SPON1: variants seen among roughly 807,000 people sequenced by gnomAD.
SPON1 encodes spondin 1, also known as spondin-1.
A neutral mutation model predicts 111.7 loss-of-function variants in SPON1; 52 were observed. The observed-to-expected ratio is 0.47, with a 90% CI of 0.37 to 0.59. SPON1 has a LOEUF of 0.59. Ranked by LOEUF, SPON1 falls within the 20% of genes least tolerant of loss-of-function variation. SPON1 has a pLI of 0.00. For synonymous variants in SPON1, 410 were observed against 395.8 expected (o/e 1.04, Z -0.43); for missense variants, 957 against 1,068.5 (o/e 0.90, Z 1.46).
chr11:14,034,402 C>T (rs1401208111), intron 2 of SPON1, among the ~76,000 whole-genome samples: 2 of 152,054 alleles, frequency 1.3e-5, no homozygotes, highest in Admixed American at 6.5e-5. Flanking sequence ...AGTGTGGAGA[C>T]GTTTGGGATT....
intron 3 of SPON1, among the ~76,000 whole-genome samples, chr11:14,053,406 C>G (rs908034087): frequency 1.2e-4 from 18 of 152,104 alleles, no homozygotes; most frequent in Admixed American, 3.3e-4. Flanking sequence ...AATGTGTGAC[C>G]TTTTGTGTCT....
At chr11:14,185,793 G>A (rs545608438) in intron 6 of SPON1, among the ~76,000 whole-genome samples, 168 of 152,320 alleles carry the variant, frequency 1.1e-3, no homozygotes, top group South Asian at 1.0e-2. Context: ...GATGAGCAGC[G>A]CCCCTTCTCA....
intron 3 of SPON1, among the ~76,000 whole-genome samples, chr11:14,057,382 T>G (rs1215207072): frequency 6.6e-6 from 1 of 152,194 alleles, no homozygotes; most frequent in Non-Finnish European, 1.5e-5. Context: ...AGTCAAAGAC[T>G]GAGGAAGATT....
At chr11:14,029,516 A>G (rs1393703155) in intron 2 of SPON1, among the ~76,000 whole-genome samples, 1 of 152,160 alleles carries the variant, frequency 6.6e-6, no homozygotes, top group African/African-American at 2.4e-5. Flanking sequence ...GTGAAAAGGA[A>G]AAAGGAAAAG....
chr11:14,235,001 G>A (rs1448242984), intron 6 of SPON1, among the ~76,000 whole-genome samples: 1 of 152,194 alleles, frequency 6.6e-6, no homozygotes, highest in Non-Finnish European at 1.5e-5. Flanking sequence ...CAGCCCACCT[G>A]AGCCAGGTTC....
chr11:14,041,811 G>A (rs1554917324), intron 3 of SPON1, among the ~76,000 whole-genome samples, 157 bp downstream of exon 3: 1 of 151,924 alleles, frequency 6.6e-6, no homozygotes, highest in Non-Finnish European at 1.5e-5. Context: ...ACTATCATTG[G>A]TGAAGTGTTC....
rs192732447 is a variant in SPON1 at position 14,109,411 on chromosome 11, C to A, written c.677-26009C>A. ...AAAGGATTAAGACTAAATTTTTAAA[C>A]CAGCTGTAAAGTGGTACAGCTGTGC... On this transcript the variant is annotated intron_variant, in intron 5 of 15. Transcript: ENST00000576479. Among the ~76,000 whole-genome samples, 160 of 152,222 alleles carry A rather than the reference C, an allele frequency of 1.1e-3. 1 individual carries two copies. Among genetic ancestry groups the A allele is most frequent in the South Asian group, 8.5e-3 (41 of 4,820 alleles).
chr11:14,020,687 A>G (rs1467339887), intron 2 of SPON1, among the ~76,000 whole-genome samples: 2 of 152,228 alleles, frequency 1.3e-5, no homozygotes, highest in Non-Finnish European at 2.9e-5. Context: ...CTGAAAGCCC[A>G]TCATATAGGA....
chr11:14,079,106 C>A (rs1443489065), intron 4 of SPON1, among the ~76,000 whole-genome samples: 2 of 152,160 alleles, frequency 1.3e-5, no homozygotes, highest in African/African-American at 4.8e-5. Context: ...TTGCAGGAAG[C>A]AGAACAGACT....
At chr11:14,160,486 T>TATATATTTAC in intron 6 of SPON1, among the ~76,000 whole-genome samples, 1 of 13,140 alleles carries the variant, frequency 7.6e-5, no homozygotes, top group Non-Finnish European at 1.3e-4. Context: ...TATATTTATA[T>TATATATTTAC]ATATATATTT....
intron 3 of SPON1, among the ~76,000 whole-genome samples, chr11:14,066,758 C>T (rs1486829909): frequency 2.0e-5 from 3 of 152,188 alleles, no homozygotes; most frequent in African/African-American, 7.2e-5. Context: ...AAGGCCTGAC[C>T]CAGCACAGGG....
At chr11:14,128,023 C>T (rs992347151) in intron 5 of SPON1, among the ~76,000 whole-genome samples, 1 of 152,220 alleles carries the variant, frequency 6.6e-6, no homozygotes, top group Non-Finnish European at 1.5e-5. Flanking sequence ...CACCAGGTCC[C>T]TCCCTCGACA....
At chr11:14,143,552 C>T (rs1218328843) in intron 6 of SPON1, among the ~76,000 whole-genome samples, 1 of 136,690 alleles carries the variant, frequency 7.3e-6, no homozygotes, top group Admixed American at 7.6e-5. Flanking sequence ...CAGAGTCAGA[C>T]CCTGTTTCCA....
intron 6 of SPON1, among the ~76,000 whole-genome samples, chr11:14,152,037 A>T (rs782097108): frequency 4.6e-5 from 7 of 152,042 alleles, no homozygotes; most frequent in Admixed American, 2.6e-4. Flanking sequence ...TTGTAACCCC[A>T]TTTGGCCCAG....
intron 6 of SPON1, among the ~76,000 whole-genome samples, chr11:14,216,155 A>G (rs782181330): frequency 4.6e-5 from 7 of 152,228 alleles, no homozygotes; most frequent in Non-Finnish European, 7.3e-5. Context: ...ATATCTTTGG[A>G]AAGATGCACA....
intron 7 of SPON1, among the ~76,000 whole-genome samples, chr11:14,248,647 C>CA (rs1370658243): frequency 1.3e-5 from 2 of 152,176 alleles, no homozygotes; most frequent in Admixed American, 1.3e-4. Context: ...AGCCTACATG[C>CA]AGCCAAGTTT....
rs1374648554 is a variant in SPON1, at chr11:14,077,185, G to T, written c.553+1767G>T. ...TTAATGATTGATGGCAGTACATGAG[G>T]GTGTCAGTGAAGTATCTCCTAAGAA... On this transcript the variant is annotated intron_variant, in intron 4 of 15. Coordinates refer to ENST00000576479, the MANE Select transcript of SPON1 (RefSeq NM_006108.4). 4.6e-5 allele frequency among the ~76,000 whole-genome samples: 7 copies of T among 152,248 alleles called. No individual in the cohort carries two copies. In the South Asian group the frequency reaches 1.2e-3, roughly 27 times the overall value.
At chr11:14,171,271 T>A (rs1368148301) in intron 6 of SPON1, among the ~76,000 whole-genome samples, 37 of 152,222 alleles carry the variant, frequency 2.4e-4, no homozygotes, top group African/African-American at 8.7e-4. Context: ...GATTTTCTAG[T>A]TTATTTGCGT....
intron 5 of SPON1, among the ~76,000 whole-genome samples, chr11:14,129,916 A>C (rs1399806001): frequency 1.3e-5 from 2 of 152,032 alleles, no homozygotes; most frequent in Admixed American, 1.3e-4. Context: ...CACACTTTCA[A>C]ACCATCAGAT....
Sources: gnomAD v4.1 joint callset for allele counts (sites outside exome capture counted in the v4.1 genomes callset) on GRCh38, gnomAD v4.1.1 for gene constraint, MANE v1.5 for transcripts, NCBI Gene and HGNC (gene_info 2026-07-23, HGNC 2026-07-21) for gene names.